Variants in ASTN2 observed in about 807,000 individuals in gnomAD.
The protein encoded by ASTN2 is astrotactin 2, also known as astrotactin-2.
In ASTN2, 54 loss-of-function variants were observed where a neutral mutation model predicts 139.8. The ratio of observed to expected loss-of-function variants is 0.39; its 90% CI spans 0.31 to 0.48. The LOEUF is 0.48. ASTN2 is among the 20% of genes least tolerant of loss of function. The pLI is 0.95. For missense variants in ASTN2, 1,565 were observed against 1,725.1 expected (o/e 0.91, Z 1.64); for synonymous variants, 756 against 719.5 (o/e 1.05, Z -0.81).
intron 13 of ASTN2, among the ~76,000 whole-genome samples, chr9:116,761,827 C>T (rs1028555684): frequency 1.3e-5 from 2 of 152,146 alleles, no homozygotes; most frequent in Non-Finnish European, 1.5e-5. Flanking sequence ...GCATGTTAGA[C>T]GATCATTCTG....
intron 17 of ASTN2, among the ~76,000 whole-genome samples, chr9:116,650,497 G>A (rs1857845816): frequency 6.6e-6 from 1 of 151,916 alleles, no homozygotes; most frequent in Non-Finnish European, 1.5e-5. Context: ...CTGTAAAAGG[G>A]GTACGATATT....
chr9:116,592,546 C>T (rs1177297585), intron 19 of ASTN2, among the ~76,000 whole-genome samples: 1 of 152,050 alleles, frequency 6.6e-6, no homozygotes, highest in Non-Finnish European at 1.5e-5. Context: ...GGACACAGAC[C>T]CAAACCATAT....
chr9:116,805,648 A>G lies in ASTN2; in HGVS notation c.2380T>C (p.Phe794Leu). 6.2e-7 allele frequency: 1 copy of G among 1,613,814 alleles called. No individual in the cohort carries two copies. Among genetic ancestry groups the G allele is most frequent in the Non-Finnish European group, 8.5e-7 (1 of 1,179,780 alleles). ...RTQHVNQGQVFQMTFRENNFI... is the reference protein window; with the variant it reads ...RTQHVNQGQVLQMTFRENNFI... ...ACAGCATACCTAAAGGTCATCTGGA[A>G]GACTTGGCCTTGGTTCACATGCTGG... Residue 794 changes from phenylalanine (F) to leucine (L), a missense_variant, in exon 13 of 23, where the codon TTC becomes CTC. By Grantham distance (22) the Phe-to-Leu change is conservative (BLOSUM62 0). Coordinates refer to ENST00000313400, the MANE Select transcript of ASTN2 (RefSeq NM_001365068.1).
chr9:117,197,432 A>G (rs1422314437), intron 3 of ASTN2: 1 of 152,252 alleles, frequency 6.6e-6, no homozygotes, highest in Non-Finnish European at 1.5e-5. Flanking sequence ...AGCAGTACAG[A>G]CTTCAGTGGG....
intron 11 of ASTN2, among the ~76,000 whole-genome samples, chr9:116,833,395 T>G (rs1034713892): frequency 6.6e-6 from 1 of 152,044 alleles, no homozygotes; most frequent in African/African-American, 2.4e-5. Flanking sequence ...TTCTACCACA[T>G]TGATTTCCTT....
chr9:116,556,293 G>A (rs940284068), intron 19 of ASTN2, among the ~76,000 whole-genome samples: 2 of 152,144 alleles, frequency 1.3e-5, no homozygotes, highest in Non-Finnish European at 2.9e-5. Context: ...AAAAGTTGGG[G>A]TGGAGGAGAG....
At chr9:116,632,144 G>GAGAGAGAGAGAC (rs1293166705) in intron 17 of ASTN2, among the ~76,000 whole-genome samples, 1,785 of 76,570 alleles carry the variant, frequency 0.023, 83 homozygotes, top group East Asian at 0.054. Context: ...GAGAGAGAGA[G>GAGAGAGAGAGAC]AGAGAGAGAG....
chr9:117,104,842 T>C (rs528516265), intron 4 of ASTN2, among the ~76,000 whole-genome samples: 2 of 152,304 alleles, frequency 1.3e-5, no homozygotes, highest in East Asian at 1.9e-4. Context: ...TGCTGCAGTT[T>C]AAACCCATTA....
chr9:116,951,414 A>G (rs947557333), intron 10 of ASTN2, among the ~76,000 whole-genome samples: 3 of 150,400 alleles, frequency 2.0e-5, no homozygotes, highest in African/African-American at 7.3e-5. Flanking sequence ...TCTCTCACAC[A>G]GCATCATCAC....
intron 4 of ASTN2, 41 bp from the exon 5 acceptor site, chr9:117,096,192 C>T (rs371583460): frequency 1.3e-6 from 2 of 1,549,148 alleles, no homozygotes; most frequent in Non-Finnish European, 1.8e-6. Flanking sequence ...TCCCAGGCCT[C>T]CAGAAGTTTG....
chr9:117,206,177 A>G (rs1831915034), intron 3 of ASTN2, among the ~76,000 whole-genome samples: 1 of 152,222 alleles, frequency 6.6e-6, no homozygotes, highest in African/African-American at 2.4e-5. Flanking sequence ...GAAATGCAGC[A>G]GAAGAGTGGA....
In ASTN2 at chr9:116,804,762, A is replaced by T. The variant is rs180981707; in HGVS notation, c.2396+870T>A. Among the ~76,000 whole-genome samples, 237 of 152,258 alleles carry T rather than the reference A, an allele frequency of 1.6e-3. 1 individual carries two copies. Among genetic ancestry groups the T allele is most frequent in the Non-Finnish European group, 3.0e-3 (205 of 68,026 alleles). On this transcript the variant is annotated intron_variant, in intron 13 of 22. Coordinates refer to ENST00000313400, the MANE Select transcript of ASTN2 (RefSeq NM_001365068.1). ...TCTGACTTTTATTGATATGACCTCA[A>T]ATGATTAGGAGAGCCTTGCTTTGTG...
chr9:117,144,046 A>T (rs908661156), intron 3 of ASTN2, among the ~76,000 whole-genome samples: 3 of 152,122 alleles, frequency 2.0e-5, no homozygotes, highest in Non-Finnish European at 4.4e-5. Context: ...TTAAGGTTAG[A>T]TGAAGTCATA....
chr9:117,395,661 T>C lies in ASTN2; in HGVS notation c.442+18836A>G, dbSNP rs535395014. Among the ~76,000 whole-genome samples the C allele has an allele frequency of 7.9e-4, 121 of 152,288 alleles. 1 individual carries two copies. The South Asian group carries it at 0.024, about 31-fold the overall frequency. ...TTCTCCCAGCCTTTGCCTCCCTCTG[T>C]GCAATAAGAAAGCTGGATGTGGCCA... is the stretch of plus-strand genomic sequence containing the variant. On this transcript the variant is annotated intron_variant, in intron 1 of 22. Coordinates refer to ENST00000313400, the MANE Select transcript of ASTN2 (RefSeq NM_001365068.1).
chr9:116,426,649 C>G (rs947932474), intron 22 of ASTN2, among the ~76,000 whole-genome samples: 1 of 152,130 alleles, frequency 6.6e-6, no homozygotes, highest in Non-Finnish European at 1.5e-5. Context: ...CCCACAGTCC[C>G]TTTCTAACTG....
At chr9:117,179,181 A>T (rs1167743070) in intron 3 of ASTN2, among the ~76,000 whole-genome samples, 1 of 152,194 alleles carries the variant, frequency 6.6e-6, no homozygotes, top group Non-Finnish European at 1.5e-5. Flanking sequence ...GTGTGAACAG[A>T]CTTAGAATTC....
chr9:116,687,087 C>T, intron 16 of ASTN2: 3 of 1,199,544 alleles, frequency 2.5e-6, no homozygotes, highest in Non-Finnish European at 3.1e-6. Context: ...GAGCAGGTCC[C>T]TTTCGCCCAT....
intron 3 of ASTN2, among the ~76,000 whole-genome samples, chr9:117,195,280 G>A (rs1297854244): frequency 6.6e-6 from 1 of 152,144 alleles, no homozygotes; most frequent in East Asian, 1.9e-4. Flanking sequence ...ACAGATTGGG[G>A]AAGGAAAGAG....
chr9:117,279,318 C>A (rs1007974963), intron 2 of ASTN2, among the ~76,000 whole-genome samples: 1 of 152,176 alleles, frequency 6.6e-6, no homozygotes, highest in African/African-American at 2.4e-5. Flanking sequence ...CGGACACTGG[C>A]TATGTGATCA....
Sources: allele counts gnomAD v4.1 joint callset (sites outside exome capture counted in the v4.1 genomes callset), GRCh38; gene constraint gnomAD v4.1.1; transcripts MANE v1.5; gene names NCBI Gene and HGNC (gene_info 2026-07-23, HGNC 2026-07-21).